Variants in ATRX observed in about 807,000 individuals in gnomAD.
ATRX encodes the protein chromatin remodeler ATRX.
Under a neutral mutation model 172.6 loss-of-function variants are expected in ATRX, and 12 were observed. That is an observed-to-expected ratio of 0.07 (90% CI 0.04 to 0.11). The LOEUF (loss-of-function observed/expected upper bound fraction) is 0.11. Ranked by LOEUF, ATRX falls within the 10% of genes least tolerant of loss-of-function variation. The pLI is 1.00. For synonymous variants in ATRX, 674 were observed against 594.7 expected, an observed-to-expected ratio of 1.13 and a Z score of -1.94; for missense variants, 1,368 against 1,767.4, an observed-to-expected ratio of 0.77 and a Z score of 4.05.
chrX:77,658,897 A>G (rs1468797992), intron 12 of ATRX, among the ~76,000 whole-genome samples: 1 of 112,131 alleles, frequency 8.9e-6, no homozygotes, highest in African/African-American at 3.2e-5. Flanking sequence ...ATTTCTGTAA[A>G]TCAAGAATTG....
intron 19 of ATRX, among the ~76,000 whole-genome samples, chrX:77,629,046 T>C (rs1253926479): frequency 1.8e-5 from 2 of 112,399 alleles, no homozygotes; most frequent in Non-Finnish European, 3.8e-5. Flanking sequence ...TCCTAATACA[T>C]ACTCCCAATT....
intron 21 of ATRX, among the ~76,000 whole-genome samples, chrX:77,618,142 T>C (rs1229177559): frequency 8.9e-6 from 1 of 112,262 alleles, no homozygotes; most frequent in Non-Finnish European, 1.9e-5. Flanking sequence ...GAGGGCAAAC[T>C]GTATATCCAA....
intron 30 of ATRX, among the ~76,000 whole-genome samples, chrX:77,538,230 A>AACACACACACACACACACACACAC (rs34675782): frequency 2.1e-5 from 2 of 95,992 alleles, no homozygotes; most frequent in Admixed American, 1.2e-4. Context: ...TACACACACA[A>AACACACACACACACACACACACAC]ACACACACAC....
intron 30 of ATRX, among the ~76,000 whole-genome samples, chrX:77,547,782 CT>C (rs1223830752): frequency 9.0e-6 from 1 of 111,329 alleles, no homozygotes; most frequent in Non-Finnish European, 1.9e-5. Flanking sequence ...CCTCAAATAC[CT>C]ATGTCTTCTG....
At chrX:77,582,497 A>G (rs1557074624) in intron 27 of ATRX, among the ~76,000 whole-genome samples, 1 of 111,587 alleles carries the variant, frequency 9.0e-6, no homozygotes, top group Non-Finnish European at 1.9e-5. Context: ...AATAAAGATC[A>G]GAGCAGAAAT....
At chrX:77,538,511 T>C (rs1457041738) in intron 30 of ATRX, among the ~76,000 whole-genome samples, 1 of 110,991 alleles carries the variant, frequency 9.0e-6, no homozygotes, top group Non-Finnish European at 1.9e-5. Flanking sequence ...AAATTACGTA[T>C]TGTGTACAAT....
chrX:77,676,382 A>G (rs1192330190), intron 9 of ATRX, 84 bp from the exon 10 acceptor site: 5 of 905,568 alleles, frequency 5.5e-6, no homozygotes, highest in Admixed American at 2.4e-5. Flanking sequence ...AAAGCCAAAA[A>G]CTTTAAAGCA....
At chrX:77,675,666 C>T (rs2070829275) in intron 10 of ATRX, 1 of 115,303 alleles carries the variant, frequency 8.7e-6, no homozygotes, top group Admixed American at 8.8e-5. Flanking sequence ...AAAGTAAATG[C>T]TCTCATACCG....
rs1486056769 is a variant in ATRX, at chrX:77,681,590, A to C, written c.3666T>G (p.Asp1222Glu). 8.3e-7 allele frequency: 1 copy of C among 1,209,255 alleles called. No homozygotes were observed. The highest frequency in any genetic ancestry group is 1.7e-5 in the African/African-American group (1 of 57,649). Reference sequence around the variant, plus strand: ...CAGTCACAGGCTTAATTTTCTGTTCATCGCTGCTTCCCTCACCTATAGAAT... The same window carrying C: ...CAGTCACAGGCTTAATTTTCTGTTCCTCGCTGCTTCCCTCACCTATAGAAT... ...DQNSIGEGSS[D>E]EQKIKPVTEN... The change falls in exon 9 of 35, where the codon GAT becomes GAG. Residue 1222 changes from aspartate (D) to glutamate (E), a missense_variant. Physicochemically the swap from Asp to Glu is conservative, Grantham distance 45. This residue lies in a region of ATRX where 843 missense variants were observed against 643.1 expected (regional missense o/e 1.31). Transcript: ENST00000373344.
intron 1 of ATRX, among the ~76,000 whole-genome samples, chrX:77,751,950 G>A (rs1371694097): frequency 1.8e-5 from 2 of 111,631 alleles, no homozygotes; most frequent in African/African-American, 6.5e-5. Flanking sequence ...CAGGTAGCAG[G>A]ATGCCTCCAG....
chrX:77,638,841 C>T (rs995396808), intron 15 of ATRX, among the ~76,000 whole-genome samples: 1 of 112,315 alleles, frequency 8.9e-6, no homozygotes, highest in Non-Finnish European at 1.9e-5. Context: ...TACCTAAACC[C>T]TCTTAGCTTC....
chrX:77,522,491 AATT>A (rs1289389909), intron 31 of ATRX, 103 bp from the exon 32 acceptor site: 4 of 893,280 alleles, frequency 4.5e-6, no homozygotes, highest in South Asian at 2.1e-5. Context: ...AGATCCAGGA[AATT>A]ATTAACACTC....
chrX:77,658,822 T>C (rs1174343113), intron 12 of ATRX, among the ~76,000 whole-genome samples: 3 of 111,912 alleles, frequency 2.7e-5, no homozygotes, highest in Non-Finnish European at 5.6e-5. Context: ...CATGGTACTA[T>C]GATAGGGTAT....
chrX:77,538,600 T>C (rs927506039), intron 30 of ATRX, among the ~76,000 whole-genome samples: 6 of 111,608 alleles, frequency 5.4e-5, no homozygotes, highest in Admixed American at 3.8e-4. Flanking sequence ...AACAATGCAC[T>C]TGTACTCCCT....
chrX:77,616,534 G>A, intron 22 of ATRX, 79 bp downstream of exon 22: 1 of 1,158,592 alleles, frequency 8.6e-7, no homozygotes, highest in South Asian at 1.8e-5. Context: ...AACAGACATA[G>A]TAAGATGACT....
At chrX:77,731,554 C>T (rs782109013) in intron 1 of ATRX, among the ~76,000 whole-genome samples, 10 of 111,544 alleles carry the variant, frequency 9.0e-5, no homozygotes, top group Admixed American at 1.9e-4. Context: ...CGCTCTCTCC[C>T]GATTGGTTCT....
At chrX:77,655,758 G>A (rs781829653) in intron 13 of ATRX, among the ~76,000 whole-genome samples, 7 of 107,594 alleles carry the variant, frequency 6.5e-5, no homozygotes, top group Non-Finnish European at 1.2e-4. Context: ...TTGACTTAAA[G>A]TATAATATAT....
intron 30 of ATRX, among the ~76,000 whole-genome samples, chrX:77,524,788 C>T (rs2147771596): frequency 9.4e-6 from 1 of 106,090 alleles, no homozygotes; most frequent in Admixed American, 1.0e-4. Flanking sequence ...TGTTGTCACC[C>T]AAGTTGGAGT....
chrX:77,552,869 A>C (rs2064610889), intron 30 of ATRX, among the ~76,000 whole-genome samples: 1 of 111,530 alleles, frequency 9.0e-6, no homozygotes, highest in African/African-American at 3.3e-5. Context: ...CATATCAAGT[A>C]AGTTAAAAAG....
Sources: gnomAD v4.1 joint callset for allele counts (sites outside exome capture counted in the v4.1 genomes callset) on GRCh38, gnomAD v4.1.1 for gene constraint, gnomAD v4.1.1 regional missense constraint, MANE v1.5 for transcripts, NCBI Gene and HGNC (gene_info 2026-07-23, HGNC 2026-07-21) for gene names.